The following TIMM17A variants were observed in gnomAD, a reference collection of about 807,000 sequenced individuals.
TIMM17A encodes the protein translocase of inner mitochondrial membrane 17A.
In TIMM17A, 15 loss-of-function variants were observed where a neutral mutation model predicts 26.5. The observed-to-expected ratio is 0.57, with a 90% confidence interval of 0.38 to 0.87. TIMM17A has a LOEUF of 0.87. Ranked by LOEUF, TIMM17A falls within the 40% of genes least tolerant of loss-of-function variation. TIMM17A has a pLI of 0.00. For missense variants in TIMM17A, 201 were observed against 210.0 expected (o/e 0.96, Z 0.27); for synonymous variants, 80 against 70.8 (o/e 1.13, Z -0.66).
chr1:201,963,794 C>G, intron 4 of TIMM17A, 50 bp downstream of exon 4: 1 of 1,538,810 alleles, frequency 6.5e-7, no homozygotes, highest in Non-Finnish European at 8.7e-7. Flanking sequence ...TTTAGGAAAA[C>G]CTCATCTGCC....
At chr1:201,958,939 G>C (rs773379811) in intron 3 of TIMM17A, among the ~76,000 whole-genome samples, 1 of 152,124 alleles carries the variant, frequency 6.6e-6, no homozygotes, top group Non-Finnish European at 1.5e-5. Context: ...TTTGTTCCCT[G>C]TGTAAGAATT....
At chr1:201,958,631 G>A (rs988518102) in intron 3 of TIMM17A, among the ~76,000 whole-genome samples, 35 of 152,312 alleles carry the variant, frequency 2.3e-4, no homozygotes, top group Admixed American at 1.6e-3. Flanking sequence ...AACCCATGAG[G>A]TTGAGGCTGC....
intron 3 of TIMM17A, among the ~76,000 whole-genome samples, chr1:201,958,288 T>A (rs185983615): frequency 4.8e-4 from 73 of 152,350 alleles, no homozygotes; most frequent in Admixed American, 4.6e-3. Context: ...TTTGGGACAT[T>A]GTGCAGAGGT....
chr1:201,957,598 T>C lies in TIMM17A; in HGVS notation c.190+24T>C, dbSNP rs758369988. ...AGGTAAGCAGAATTTTCATTTTAACTGAACTATTTTTTTCTGTTCCTTTGA... is the reference window on the plus strand; with the variant it reads ...AGGTAAGCAGAATTTTCATTTTAACCGAACTATTTTTTTCTGTTCCTTTGA... On this transcript the variant is annotated intron_variant, in intron 3 of 5. Coordinates refer to ENST00000367287, the MANE Select transcript of TIMM17A (RefSeq NM_006335.3). The C allele has an allele frequency of 9.5e-6, 15 of 1,580,952 alleles. No homozygotes were observed. The Admixed American group carries it at 2.3e-4, about 25-fold the overall frequency.
chr1:201,956,408 T>C (rs1415402527), intron 1 of TIMM17A, among the ~76,000 whole-genome samples: 2 of 152,218 alleles, frequency 1.3e-5, no homozygotes, highest in Non-Finnish European at 2.9e-5. Flanking sequence ...TTTGTGAAAG[T>C]GCCCAGGACC....
rs1338902985 is a variant in TIMM17A, at chr1:201,969,783, G to A, written c.*229G>A. ...AATTGCATTTGTGATCAAAATAAAT[G>A]TTTAAATCGCTAAAGGAAAATACAG... On this transcript the variant is annotated 3_prime_UTR_variant, in exon 6 of 6. Transcript: ENST00000367287. 13 of 360,796 alleles carry A rather than the reference G, an allele frequency of 3.6e-5. No homozygotes were observed. The highest frequency in any genetic ancestry group is 6.0e-5 in the Non-Finnish European group (12 of 199,366). The allele number at this position is 360,796 out of a possible 1,614,324, so 22.3% of individuals were successfully genotyped here.
Position 201,957,371 on chromosome 1 carries a change from T to C in TIMM17A, c.117T>C (p.Asn39=). Residue 39 remains asparagine (N), a synonymous_variant, in exon 2 of 6, where the codon AAT becomes AAC. Transcript: ENST00000367287. ...GIFQAIKGFR[N]SPVGVNHRLR... is the part of the protein sequence containing the mutation. ...TTCAAGCAATCAAAGGTTTTCGCAA[T>C]TCTCCAGTGGTAAGTGGGTGAATGG... The C allele has an allele frequency of 6.2e-7, 1 of 1,613,456 alleles. No individual in the cohort carries two copies. The highest frequency in any genetic ancestry group is 8.5e-7 in the Non-Finnish European group (1 of 1,179,370).
chr1:201,966,870 A>G (rs541525786), intron 5 of TIMM17A, among the ~76,000 whole-genome samples: 2 of 136,924 alleles, frequency 1.5e-5, no homozygotes, highest in African/African-American at 5.4e-5. Flanking sequence ...TAACATATAT[A>G]TGTTATATAT....
In TIMM17A at chr1:201,963,636, G is replaced by A; in HGVS notation, c.211G>A (p.Gly71Arg). 1 of 1,603,898 alleles carries A rather than the reference G, an allele frequency of 6.2e-7. No homozygotes were observed. The highest frequency in any genetic ancestry group is 8.5e-7 in the Non-Finnish European group (1 of 1,177,516). Residue 71 changes from glycine to arginine, a missense_variant, in exon 4 of 6, where the codon GGG (glycine) becomes AGG (arginine). Gly to Arg is a moderately radical substitution (Grantham distance 125). Coordinates refer to ENST00000367287, the MANE Select transcript of TIMM17A (RefSeq NM_006335.3). The stretch of plus-strand genomic sequence containing the variant: ...AATAGGTAGCTTTGCAGTTTGGGGA[G>A]GGCTGTTTTCCATGATTGACTGTAG... ...QLGGSFAVWGGLFSMIDCSMV... is the reference protein window; with the variant it reads ...QLGGSFAVWGRLFSMIDCSMV...
In TIMM17A at chr1:201,969,480, GC is replaced by G; in HGVS notation, c.443del (p.Ala148GlufsTer33). 6.2e-7 allele frequency: 1 copy of G among 1,613,166 alleles called. No individual in the cohort carries two copies. Among genetic ancestry groups the G allele is most frequent in the Non-Finnish European group, 8.5e-7 (1 of 1,179,390 alleles). On this transcript the variant is annotated frameshift_variant, in exon 6 of 6. Coordinates refer to ENST00000367287, the MANE Select transcript of TIMM17A (RefSeq NM_006335.3). LOFTEE classifies it high-confidence loss of function. ...SAQFPNGPQFAEDPSQLPSTQ... is the reference protein window; with the variant it reads ...SAQFPNGPQFXEDPSQLPSTQ... The stretch of plus-strand genomic sequence containing the variant: ...TTTCTCACTTGCAGGTCCTCAGTTT[GC>G]AGAAGACCCCTCCCAGTTGCCTTCA...
chr1:201,961,009 C>CA (rs1682513092), intron 3 of TIMM17A, among the ~76,000 whole-genome samples: 1 of 151,704 alleles, frequency 6.6e-6, no homozygotes, highest in African/African-American at 2.4e-5. Context: ...CTCAGCCTCC[C>CA]AAAGTGCTGA....
intron 3 of TIMM17A, among the ~76,000 whole-genome samples, chr1:201,959,230 C>G (rs542294630): frequency 6.6e-6 from 1 of 152,326 alleles, no homozygotes; most frequent in South Asian, 2.1e-4. Context: ...GTGGTGCATG[C>G]CTGTAGTCCC....
At chr1:201,967,039 AG>A (rs1470057970) in intron 5 of TIMM17A, among the ~76,000 whole-genome samples, 10 of 140,740 alleles carry the variant, frequency 7.1e-5, no homozygotes, top group Admixed American at 2.8e-4. Flanking sequence ...TGAGGATAGT[AG>A]TAGTGAAAAT....
chr1:201,960,765 C>CT (rs777087957), intron 3 of TIMM17A, among the ~76,000 whole-genome samples: 3,840 of 146,052 alleles, frequency 0.026, 120 homozygotes, highest in African/African-American at 0.073. Context: ...TATTTTCTTT[C>CT]TTTTTTTTTT....
chr1:201,960,199 A>G (rs1020960000), intron 3 of TIMM17A, among the ~76,000 whole-genome samples: 2 of 152,084 alleles, frequency 1.3e-5, no homozygotes, highest in Admixed American at 6.6e-5. Flanking sequence ...GAGAGTTCGA[A>G]ACCATCCTGG....
At position 201,964,651 on chromosome 1, in the gene TIMM17A, T is replaced by TTA. The variant is rs1423670808; in HGVS notation, c.320-781_320-780insAT. 6.0e-5 allele frequency among the ~76,000 whole-genome samples: 7 copies of TTA among 117,466 alleles called. No homozygotes were observed. In the East Asian group the frequency reaches 9.8e-4, roughly 16 times the overall value. The allele number at this position is 117,466 out of a possible 152,430, so 77.1% of individuals were successfully genotyped here. On this transcript the variant is annotated intron_variant, in intron 4 of 5. Transcript: ENST00000367287. ...ATTTTATTTCTTTTTTTTTTTTTTT[T>TTA]TTTTTTTTTTTTTTTGAGACTGAGT...
intron 1 of TIMM17A, 97 bp downstream of exon 1, chr1:201,955,649 C>T (rs947557499): frequency 2.9e-5 from 45 of 1,549,028 alleles, no homozygotes; most frequent in Admixed American, 1.6e-4. Context: ...CAGACTCAAC[C>T]GCAGCCTCGT....
intron 3 of TIMM17A, among the ~76,000 whole-genome samples, chr1:201,959,643 G>A (rs1216439563): frequency 6.6e-6 from 1 of 152,018 alleles, no homozygotes; most frequent in Non-Finnish European, 1.5e-5. Context: ...GATAGAGTGA[G>A]ACGCTGTCTC....
At chr1:201,957,487 G>A in intron 2 of TIMM17A, 24 bp from the exon 3 acceptor site, 1 of 1,608,986 alleles carries the variant, frequency 6.2e-7, no homozygotes, top group Non-Finnish European at 8.5e-7. Flanking sequence ...TATATTTTTT[G>A]TTGCTTCCTT....
Sources: gnomAD v4.1 joint callset for allele counts (sites outside exome capture counted in the v4.1 genomes callset) on GRCh38, gnomAD v4.1.1 for gene constraint, MANE v1.5 for transcripts, NCBI Gene and HGNC (gene_info 2026-07-23, HGNC 2026-07-21) for gene names.